The following DLGAP1 variants were observed in gnomAD, a reference collection of about 807,000 sequenced individuals.
The protein encoded by DLGAP1 is DLG associated protein 1, also known as disks large-associated protein 1.
Under a neutral mutation model 90.8 loss-of-function variants are expected in DLGAP1, and 11 were observed. The ratio of observed to expected loss-of-function variants is 0.12; its 90% CI spans 0.08 to 0.20. The LOEUF (loss-of-function observed/expected upper bound fraction) is 0.20. Ranked by LOEUF, DLGAP1 falls within the 10% of genes least tolerant of loss-of-function variation. The pLI, the probability that DLGAP1 is intolerant of heterozygous loss-of-function variation, is 1.00. For synonymous variants in DLGAP1, 558 were observed against 540.7 expected, an observed-to-expected ratio of 1.03 and a Z score of -0.44; for missense variants, 1,050 against 1,333.8, an observed-to-expected ratio of 0.79 and a Z score of 3.31.
intron 7 of DLGAP1, among the ~76,000 whole-genome samples, chr18:3,643,539 T>G (rs1031112877): frequency 6.6e-6 from 1 of 151,830 alleles, no homozygotes; most frequent in Non-Finnish European, 1.5e-5. Context: ...GGCAGGCGCC[T>G]GTAGTTCCAG....
At position 3,742,314 on chromosome 18, in the gene DLGAP1, C is replaced by T. The variant is rs370186492; in HGVS notation, c.1350+21G>A. On this transcript the variant is annotated intron_variant, in intron 6 of 12. Coordinates refer to ENST00000315677, the MANE Select transcript of DLGAP1 (RefSeq NM_004746.4). ...CCTGCCACTAATGGCTCCTGACCAC[C>T]GCTGCCCTGACGGCCCTCACCTGGC... is the stretch of plus-strand genomic sequence containing the variant. 3.3e-5 allele frequency: 53 copies of T among 1,609,638 alleles called. 1 individual carries two copies. In the African/African-American group the frequency reaches 4.1e-4, roughly 13 times the overall value.
rs565615098 is a variant in DLGAP1 at position 3,572,540 on chromosome 18, C to G, written c.1966-4959G>C. 3.3e-5 allele frequency among the ~76,000 whole-genome samples: 5 copies of G among 152,174 alleles called. No individual in the cohort carries two copies. In the South Asian group the frequency reaches 6.2e-4, roughly 19 times the overall value. On this transcript the variant is annotated intron_variant, in intron 8 of 12. Transcript: ENST00000315677. ...TAAGCTCACTAAGCAACCTCCACCC[C>G]CCAGGTTCAAGTGATTCTCCTGCCT...
intron 1 of DLGAP1, among the ~76,000 whole-genome samples, chr18:4,360,688 G>A (rs936768183): frequency 4.6e-5 from 7 of 152,138 alleles, no homozygotes; most frequent in Non-Finnish European, 1.0e-4. Flanking sequence ...AATCAAAAAA[G>A]TGTGTTTAGG....
rs184193927 is a variant in DLGAP1 at position 3,768,398 on chromosome 18, T to C, written c.1173-25886A>G. Reference sequence around the variant, plus strand: ...TCCCCAAATTGATATGCAGGTTTAATGCAACTCTTATCAAAATCTCATAAA... The same window carrying C: ...TCCCCAAATTGATATGCAGGTTTAACGCAACTCTTATCAAAATCTCATAAA... On this transcript the variant is annotated intron_variant, in intron 5 of 12. Transcript: ENST00000315677. 2.4e-4 allele frequency among the ~76,000 whole-genome samples: 37 copies of C among 152,292 alleles called. 1 individual carries two copies. In the East Asian group the frequency reaches 5.0e-3, roughly 21 times the overall value.
intron 7 of DLGAP1, among the ~76,000 whole-genome samples, chr18:3,692,057 GT>G (rs2060916053): frequency 6.6e-6 from 1 of 152,174 alleles, no homozygotes; most frequent in Non-Finnish European, 1.5e-5. Context: ...TTAAGTCAAT[GT>G]TTTCTTTAGT....
intron 3 of DLGAP1, among the ~76,000 whole-genome samples, chr18:3,889,376 A>G (rs754015522): frequency 6.6e-6 from 1 of 152,176 alleles, no homozygotes; most frequent in Non-Finnish European, 1.5e-5. Context: ...GGCATATTCT[A>G]TACAACTTGT....
intron 3 of DLGAP1, among the ~76,000 whole-genome samples, chr18:3,929,745 T>C (rs923451646): frequency 3.9e-5 from 6 of 152,244 alleles, no homozygotes; most frequent in Non-Finnish European, 8.8e-5. Flanking sequence ...AGCTGAACTT[T>C]AAATTCTATG....
chr18:3,502,200 G>A (rs2049975838), intron 12 of DLGAP1: 3 of 1,256,852 alleles, frequency 2.4e-6, no homozygotes, highest in Non-Finnish European at 3.0e-6. Flanking sequence ...CAAAATGGAG[G>A]CAGTTCCTTC....
At chr18:3,575,289 A>G (rs2055057144) in intron 8 of DLGAP1, among the ~76,000 whole-genome samples, 1 of 152,224 alleles carries the variant, frequency 6.6e-6, no homozygotes, top group Non-Finnish European at 1.5e-5. Flanking sequence ...AAGTCTTAAG[A>G]GTATGATCTA....
At chr18:3,917,858 A>G (rs1419981531) in intron 3 of DLGAP1, among the ~76,000 whole-genome samples, 1 of 152,186 alleles carries the variant, frequency 6.6e-6, no homozygotes. Flanking sequence ...ATTTCAGAAA[A>G]AAAACTAAAA....
In DLGAP1 at chr18:4,254,202, T is replaced by G. The variant is rs1305558088; in HGVS notation, c.-266-102915A>C. On this transcript the variant is annotated intron_variant, in intron 1 of 12. Transcript: ENST00000315677. ...TGGAATCCTGATTTCTCGAAGTGATTGTCCCCTCCAAGTGCCATGATATAC... is the reference window on the plus strand; with the variant it reads ...TGGAATCCTGATTTCTCGAAGTGATGGTCCCCTCCAAGTGCCATGATATAC... Among the ~76,000 whole-genome samples, 2 of 152,182 alleles carry G rather than the reference T, an allele frequency of 1.3e-5. 1 individual carries two copies. The highest frequency in any genetic ancestry group is 4.8e-5 in the African/African-American group (2 of 41,434).
intron 2 of DLGAP1, among the ~76,000 whole-genome samples, chr18:4,082,985 G>A (rs562884880): frequency 6.6e-6 from 1 of 152,218 alleles, no homozygotes; most frequent in African/African-American, 2.4e-5. Context: ...TTTGCACGGG[G>A]CCTTGCTAGT....
At chr18:4,236,830 A>G (rs1388797276) in intron 1 of DLGAP1, among the ~76,000 whole-genome samples, 1 of 152,150 alleles carries the variant, frequency 6.6e-6, no homozygotes, top group Admixed American at 6.6e-5. Flanking sequence ...TTGTTTGCAT[A>G]TAGGTCTTCT....
At chr18:4,333,696 T>C (rs998720805) in intron 1 of DLGAP1, among the ~76,000 whole-genome samples, 1 of 148,764 alleles carries the variant, frequency 6.7e-6, no homozygotes, top group Non-Finnish European at 1.5e-5. Flanking sequence ...CTCGGCTCAC[T>C]GCAAACTCCA....
chr18:3,758,543 T>C (rs965194290), intron 5 of DLGAP1, among the ~76,000 whole-genome samples: 2 of 152,230 alleles, frequency 1.3e-5, no homozygotes, highest in Non-Finnish European at 2.9e-5. Flanking sequence ...ATGCCTGCGC[T>C]CCAAATGAGT....
chr18:4,147,491 C>T (rs940278000), intron 2 of DLGAP1, among the ~76,000 whole-genome samples: 1 of 152,102 alleles, frequency 6.6e-6, no homozygotes, highest in Non-Finnish European at 1.5e-5. Flanking sequence ...CTCTATAGCA[C>T]AAGCCAGAGT....
Position 3,642,248 on chromosome 18 carries a change from T to C in DLGAP1, c.1592-60000A>G, listed in dbSNP as rs1599685718. On this transcript the variant is annotated intron_variant, in intron 7 of 12. Coordinates refer to ENST00000315677, the MANE Select transcript of DLGAP1 (RefSeq NM_004746.4). Reference sequence around the variant, plus strand: ...GGATTTCAGATCTTTTTGAATTGGATTGGAATCTTTGCATTATTCTTACTC... The same window carrying C: ...GGATTTCAGATCTTTTTGAATTGGACTGGAATCTTTGCATTATTCTTACTC... 2.0e-5 allele frequency among the ~76,000 whole-genome samples: 3 copies of C among 152,326 alleles called. 1 individual carries two copies. In the South Asian group the frequency reaches 6.2e-4, roughly 32 times the overall value.
At chr18:4,002,718 C>T (rs1415172849) in intron 3 of DLGAP1, among the ~76,000 whole-genome samples, 1 of 152,098 alleles carries the variant, frequency 6.6e-6, no homozygotes, top group Admixed American at 6.5e-5. Flanking sequence ...AGAATTGTGA[C>T]CCTTTGGGGC....
intron 1 of DLGAP1, among the ~76,000 whole-genome samples, chr18:4,315,635 A>G (rs2080507475): frequency 6.6e-6 from 1 of 152,208 alleles, no homozygotes; most frequent in Non-Finnish European, 1.5e-5. Flanking sequence ...ATTAGTCTGA[A>G]GGTCAATTAA....
Sources: allele counts gnomAD v4.1 joint callset (sites outside exome capture counted in the v4.1 genomes callset), GRCh38; gene constraint gnomAD v4.1.1; transcripts MANE v1.5; gene names NCBI Gene and HGNC (gene_info 2026-07-23, HGNC 2026-07-21).